KCND2: variants seen among roughly 807,000 people sequenced by gnomAD.
KCND2 encodes the protein A-type voltage-gated potassium channel KCND2.
A neutral mutation model predicts 54.4 loss-of-function variants in KCND2; 16 were observed. The ratio of observed to expected loss-of-function variants is 0.29; its 90% confidence interval spans 0.20 to 0.45. KCND2 has a LOEUF of 0.45. Among genes scored for constraint, KCND2 ranks in the 20% least tolerant of loss-of-function variants. The pLI is 1.00. For synonymous variants in KCND2, 317 were observed against 310.7 expected (o/e 1.02, Z -0.21); for missense variants, 486 against 824.2 (o/e 0.59, Z 5.02).
intron 1 of KCND2, among the ~76,000 whole-genome samples, chr7:120,711,976 T>C (rs1016941422): frequency 4.6e-5 from 7 of 152,002 alleles, no homozygotes; most frequent in African/African-American, 1.2e-4. Flanking sequence ...TAAAGCAAAA[T>C]TAAGGTGAGT....
chr7:120,521,546 A>G (rs1008971679), intron 1 of KCND2, among the ~76,000 whole-genome samples: 14 of 152,124 alleles, frequency 9.2e-5, no homozygotes, highest in Admixed American at 2.6e-4. Flanking sequence ...AGGTGTCGAT[A>G]AACTTGAATT....
chr7:120,744,646 C>A (rs1792982641), intron 4 of KCND2, among the ~76,000 whole-genome samples: 1 of 151,976 alleles, frequency 6.6e-6, no homozygotes, highest in Non-Finnish European at 1.5e-5. Context: ...TGTTAAATTT[C>A]ATTTATTTCA....
intron 1 of KCND2, among the ~76,000 whole-genome samples, chr7:120,425,382 C>T (rs1313065049): frequency 2.0e-5 from 3 of 152,198 alleles, no homozygotes; most frequent in Non-Finnish European, 4.4e-5. Flanking sequence ...TGATGCCTGC[C>T]TGCGACAATA....
At chr7:120,423,522 A>G (rs144948373) in intron 1 of KCND2, among the ~76,000 whole-genome samples, 1 of 152,354 alleles carries the variant, frequency 6.6e-6, no homozygotes, top group East Asian at 1.9e-4. Flanking sequence ...CGCATAGTTT[A>G]TAGCTAAATA....
At chr7:120,625,317 T>C (rs1793151996) in intron 1 of KCND2, among the ~76,000 whole-genome samples, 1 of 152,180 alleles carries the variant, frequency 6.6e-6, no homozygotes, top group South Asian at 2.1e-4. Context: ...ATTAAAGACA[T>C]TGCATGCAGT....
chr7:120,575,581 A>G (rs967411083), intron 1 of KCND2, among the ~76,000 whole-genome samples: 3 of 152,186 alleles, frequency 2.0e-5, no homozygotes, highest in African/African-American at 7.2e-5. Context: ...TGTATCCTTC[A>G]ATCCAATCAA....
At chr7:120,334,234 A>G (rs1055519149) in intron 1 of KCND2, among the ~76,000 whole-genome samples, 14 of 152,192 alleles carry the variant, frequency 9.2e-5, no homozygotes, top group Admixed American at 7.9e-4. Context: ...ATATTCAACT[A>G]TCAAATAGAA....
At chr7:120,331,686 C>T (rs1224838989) in intron 1 of KCND2, among the ~76,000 whole-genome samples, 2 of 151,916 alleles carry the variant, frequency 1.3e-5, no homozygotes, top group Non-Finnish European at 2.9e-5. Context: ...AAACTAATAT[C>T]TATACTTTTA....
chr7:120,649,085 C>T (rs933881069), intron 1 of KCND2, among the ~76,000 whole-genome samples: 1 of 152,144 alleles, frequency 6.6e-6, no homozygotes, highest in Non-Finnish European at 1.5e-5. Flanking sequence ...CCTAACCTCT[C>T]ATTTAATTTT....
intron 1 of KCND2, among the ~76,000 whole-genome samples, chr7:120,443,237 G>T (rs895271702): frequency 2.2e-4 from 33 of 152,040 alleles, no homozygotes; most frequent in African/African-American, 7.5e-4. Context: ...TGAGATAGAA[G>T]AATAAATTCT....
chr7:120,495,342 C>CTT lies in KCND2; in HGVS notation c.1115+219605_1115+219606dup, dbSNP rs34153928. Reference sequence around the variant, plus strand: ...ATTTTAAAGCAGGATAGAATGACAACTTTTTTTTTTTACCCCAATTCAGTA... The same window carrying CTT: ...ATTTTAAAGCAGGATAGAATGACAACTTTTTTTTTTTTTACCCCAATTCAGTA... On this transcript the variant is annotated intron_variant, in intron 1 of 5. Coordinates refer to ENST00000331113, the MANE Select transcript of KCND2 (RefSeq NM_012281.3). Among the ~76,000 whole-genome samples the CTT allele has an allele frequency of 1.8e-3, 265 of 147,962 alleles. 1 individual carries two copies. Among genetic ancestry groups the CTT allele is most frequent in the Non-Finnish European group, 1.8e-3 (119 of 66,466 alleles).
At chr7:120,463,299 G>C (rs962475756) in intron 1 of KCND2, among the ~76,000 whole-genome samples, 1 of 151,418 alleles carries the variant, frequency 6.6e-6, no homozygotes, top group South Asian at 2.1e-4. Context: ...CAAAGTAAAT[G>C]CAACTGATAC....
intron 1 of KCND2, among the ~76,000 whole-genome samples, chr7:120,686,625 C>T (rs1230852118): frequency 6.6e-6 from 1 of 152,058 alleles, no homozygotes; most frequent in African/African-American, 2.4e-5. Flanking sequence ...TTGAGAGATT[C>T]GAGTGCATGG....
chr7:120,588,943 T>G (rs191791735), intron 1 of KCND2, among the ~76,000 whole-genome samples: 9 of 152,328 alleles, frequency 5.9e-5, no homozygotes, highest in Non-Finnish European at 1.0e-4. Flanking sequence ...TTGTGCTAGG[T>G]TGAATAAACC....
intron 1 of KCND2, among the ~76,000 whole-genome samples, chr7:120,512,419 CA>C (rs954106480): frequency 2.7e-4 from 39 of 143,012 alleles, no homozygotes; most frequent in East Asian, 6.1e-4. Flanking sequence ...TGTTAGTAAA[CA>C]AAAAAAAAAG....
intron 1 of KCND2, among the ~76,000 whole-genome samples, chr7:120,341,642 C>T (rs1208514355): frequency 2.6e-5 from 4 of 151,924 alleles, no homozygotes; most frequent in Non-Finnish European, 4.4e-5. Context: ...CTATAAATGA[C>T]CTGGACTTAT....
chr7:120,704,408 A>G lies in KCND2; in HGVS notation c.1116-28495A>G, dbSNP rs1181328830. On this transcript the variant is annotated intron_variant, in intron 1 of 5. Coordinates refer to ENST00000331113, the MANE Select transcript of KCND2 (RefSeq NM_012281.3). ...CTGGACTTCAGCTTAAAATACAGAA[A>G]TGATTCTTAAATCTTAAAGCTCTGG... Among the ~76,000 whole-genome samples the G allele has an allele frequency of 2.0e-5, 3 of 152,170 alleles. 1 individual carries two copies. Among genetic ancestry groups the G allele is most frequent in the Admixed American group, 2.0e-4 (3 of 15,270 alleles).
chr7:120,508,745 A>G (rs1803066215), intron 1 of KCND2, among the ~76,000 whole-genome samples: 1 of 151,956 alleles, frequency 6.6e-6, no homozygotes, highest in Admixed American at 6.6e-5. Flanking sequence ...ATCCTTATGG[A>G]TTATAGAAAG....
At chr7:120,460,976 A>G (rs1802275947) in intron 1 of KCND2, among the ~76,000 whole-genome samples, 1 of 152,188 alleles carries the variant, frequency 6.6e-6, no homozygotes, top group African/African-American at 2.4e-5. Flanking sequence ...GGAAAAAAGG[A>G]AAAATGTGCC....
Sources: gnomAD v4.1 joint callset for allele counts (sites outside exome capture counted in the v4.1 genomes callset) on GRCh38, gnomAD v4.1.1 for gene constraint, MANE v1.5 for transcripts, NCBI Gene and HGNC (gene_info 2026-07-23, HGNC 2026-07-21) for gene names.